Variants in WDR70 observed in about 807,000 individuals in gnomAD.
WDR70 encodes WD repeat-containing protein 70.
In WDR70, 53 loss-of-function variants were observed where a neutral mutation model predicts 88.6. That is an observed-to-expected ratio of 0.60 (90% CI 0.48 to 0.75). The LOEUF (loss-of-function observed/expected upper bound fraction) is 0.75. Ranked by LOEUF, WDR70 falls within the 30% of genes least tolerant of loss-of-function variation. WDR70 has a pLI of 0.00. For synonymous variants in WDR70, 280 were observed against 270.0 expected (o/e 1.04, Z -0.36); for missense variants, 610 against 823.2 (o/e 0.74, Z 3.17).
At position 37,446,057 on chromosome 5, in the gene WDR70, A is replaced by G. The variant is rs142351893; in HGVS notation, c.686+2685A>G. On this transcript the variant is annotated intron_variant, in intron 7 of 17. Coordinates refer to ENST00000265107, the MANE Select transcript of WDR70 (RefSeq NM_018034.4). ...AGAAAACCCCATCGTCTCAGCCCCAAAACTCTTTAAGCTGATAAGCAACTT... is the reference window on the plus strand; with the variant it reads ...AGAAAACCCCATCGTCTCAGCCCCAGAACTCTTTAAGCTGATAAGCAACTT... 8.2e-3 allele frequency among the ~76,000 whole-genome samples: 1,245 copies of G among 152,318 alleles called. 9 individuals carry two copies. The highest frequency in any genetic ancestry group is 0.02 in the African/African-American group (844 of 41,570).
intron 8 of WDR70, chr5:37,506,567 C>G (rs529868005): frequency 3.9e-5 from 30 of 773,526 alleles, no homozygotes; most frequent in Non-Finnish European, 6.5e-5. Context: ...TAAAGTACCT[C>G]CCTCCAACAT....
chr5:37,476,772 G>T (rs1443991216), intron 7 of WDR70, among the ~76,000 whole-genome samples: 1 of 152,102 alleles, frequency 6.6e-6, no homozygotes, highest in Admixed American at 6.5e-5. Flanking sequence ...GGATGGTCTC[G>T]ATCTCAACCT....
intron 7 of WDR70, among the ~76,000 whole-genome samples, chr5:37,475,030 C>T (rs771989796): frequency 3.3e-5 from 5 of 151,132 alleles, no homozygotes; most frequent in African/African-American, 9.7e-5. Flanking sequence ...GTGATTTTCA[C>T]GCCTGAGCCT....
At chr5:37,648,051 G>C (rs1485589389) in intron 10 of WDR70, among the ~76,000 whole-genome samples, 1 of 152,158 alleles carries the variant, frequency 6.6e-6, no homozygotes, top group African/African-American at 2.4e-5. Context: ...ATTTGGGTGT[G>C]GACACAGAGC....
At chr5:37,740,955 A>G (rs995098548) in intron 17 of WDR70, among the ~76,000 whole-genome samples, 3 of 152,336 alleles carry the variant, frequency 2.0e-5, no homozygotes, top group Non-Finnish European at 4.4e-5. Flanking sequence ...TCAGAGTAAC[A>G]CTTTGGACAT....
intron 7 of WDR70, among the ~76,000 whole-genome samples, chr5:37,467,339 C>G (rs891526398): frequency 3.2e-4 from 48 of 152,094 alleles, no homozygotes; most frequent in African/African-American, 1.1e-3. Context: ...GGGCCTGCTT[C>G]CTAGATTGGA....
At chr5:37,473,585 C>G (rs1739393291) in intron 7 of WDR70, among the ~76,000 whole-genome samples, 1 of 152,170 alleles carries the variant, frequency 6.6e-6, no homozygotes, top group Non-Finnish European at 1.5e-5. Flanking sequence ...CTCAGGTGAT[C>G]TGCCCGCCTC....
At chr5:37,600,077 GA>G (rs1165382168) in intron 9 of WDR70, among the ~76,000 whole-genome samples, 2 of 150,806 alleles carry the variant, frequency 1.3e-5, no homozygotes, top group Middle Eastern at 3.4e-3. Flanking sequence ...ATGAAAGAGG[GA>G]AAAAAAAGAT....
chr5:37,526,155 G>C (rs1298162220), intron 9 of WDR70, among the ~76,000 whole-genome samples: 22 of 152,110 alleles, frequency 1.4e-4, no homozygotes, highest in African/African-American at 4.6e-4. Context: ...CATCTTGATA[G>C]CAAAGCCTGG....
At chr5:37,493,615 G>A (rs1042241001) in intron 8 of WDR70, among the ~76,000 whole-genome samples, 2 of 152,136 alleles carry the variant, frequency 1.3e-5, no homozygotes, top group Admixed American at 6.5e-5. Context: ...ATCTAGCTAC[G>A]TTGTGCCAGA....
intron 10 of WDR70, among the ~76,000 whole-genome samples, chr5:37,673,776 C>T (rs948201430): frequency 2.6e-5 from 4 of 151,998 alleles, no homozygotes; most frequent in Admixed American, 2.0e-4. Flanking sequence ...ACCCATGCCC[C>T]CTAACAACAG....
chr5:37,483,516 G>A (rs4869436), intron 8 of WDR70, among the ~76,000 whole-genome samples: 90,408 of 152,126 alleles, frequency 0.59, 28,332 homozygotes, highest in Non-Finnish European at 0.69. Context: ...ACACAGACAC[G>A]GCAACCATCT....
intron 8 of WDR70, among the ~76,000 whole-genome samples, chr5:37,504,149 AT>A: frequency 6.6e-6 from 1 of 152,274 alleles, no homozygotes; most frequent in East Asian, 1.9e-4. Flanking sequence ...CATATGATTG[AT>A]TAGTTATTTC....
At chr5:37,510,816 T>C (rs1040670410) in intron 8 of WDR70, among the ~76,000 whole-genome samples, 15 of 152,234 alleles carry the variant, frequency 9.9e-5, no homozygotes, top group African/African-American at 3.6e-4. Flanking sequence ...TTGACATTTT[T>C]TGAGGACTGC....
intron 9 of WDR70, among the ~76,000 whole-genome samples, chr5:37,519,824 T>C (rs1347295514): frequency 1.3e-5 from 2 of 152,252 alleles, no homozygotes; most frequent in South Asian, 2.1e-4. Flanking sequence ...ATGGTAGCTC[T>C]ATTTTTAGGT....
chr5:37,726,129 T>G (rs1340612434), intron 16 of WDR70, among the ~76,000 whole-genome samples: 1 of 152,188 alleles, frequency 6.6e-6, no homozygotes, highest in African/African-American at 2.4e-5. Context: ...CATAAAGACC[T>G]GTTCAACCAC....
chr5:37,586,190 C>A (rs540591039), intron 9 of WDR70, among the ~76,000 whole-genome samples: 4 of 152,094 alleles, frequency 2.6e-5, no homozygotes, highest in Non-Finnish European at 5.9e-5. Flanking sequence ...CCCTTCTGTA[C>A]TTAAATAGCA....
chr5:37,469,854 T>C (rs1404759939), intron 7 of WDR70, among the ~76,000 whole-genome samples: 1 of 152,198 alleles, frequency 6.6e-6, no homozygotes, highest in Non-Finnish European at 1.5e-5. Context: ...CTCTGCTATT[T>C]TTTTGCTTGA....
chr5:37,540,657 G>A lies in WDR70; in HGVS notation c.917+24067G>A, dbSNP rs181921454. 2.7e-4 allele frequency among the ~76,000 whole-genome samples: 41 copies of A among 152,346 alleles called. No homozygotes were observed. In the East Asian group the frequency reaches 7.7e-3, roughly 29 times the overall value. ...GGCCTCCCAAAGTGCTGGGATAACAGGCGTGAGCCATTGCCCCTGGCCTAA... is the reference window on the plus strand; with the variant it reads ...GGCCTCCCAAAGTGCTGGGATAACAAGCGTGAGCCATTGCCCCTGGCCTAA... On this transcript the variant is annotated intron_variant, in intron 9 of 17. Transcript: ENST00000265107.
Sources: allele counts gnomAD v4.1 joint callset (sites outside exome capture counted in the v4.1 genomes callset), GRCh38; gene constraint gnomAD v4.1.1; transcripts MANE v1.5; gene names NCBI Gene and HGNC (gene_info 2026-07-23, HGNC 2026-07-21).